Variants in CLYBL observed in about 807,000 individuals in gnomAD.
CLYBL encodes citramalyl-CoA lyase.
A neutral mutation model predicts 38.9 loss-of-function variants in CLYBL; 31 were observed. The observed-to-expected ratio is 0.80, with a 90% confidence interval of 0.60 to 1.08. The LOEUF (loss-of-function observed/expected upper bound fraction) is 1.08. CLYBL is among the 50% of genes least tolerant of loss of function. The pLI, the probability that CLYBL is intolerant of heterozygous loss-of-function variation, is 0.00. For synonymous variants in CLYBL, 171 were observed against 158.6 expected, an observed-to-expected ratio of 1.08 and a Z score of -0.59; for missense variants, 434 against 411.6, an observed-to-expected ratio of 1.05 and a Z score of -0.47.
At chr13:99,656,520 C>G (rs2047333072) in intron 1 of CLYBL, among the ~76,000 whole-genome samples, 1 of 152,160 alleles carries the variant, frequency 6.6e-6, no homozygotes, top group Non-Finnish European at 1.5e-5. Context: ...GGCAGAAATA[C>G]CTTCAAAGCC....
At chr13:99,866,472 A>T in intron 6 of CLYBL, 65 bp downstream of exon 6, 2 of 1,374,192 alleles carry the variant, frequency 1.5e-6, no homozygotes, top group Non-Finnish European at 2.0e-6. Flanking sequence ...TAGAAATTTG[A>T]CCCGAAAACA....
intron 1 of CLYBL, among the ~76,000 whole-genome samples, chr13:99,701,644 C>T (rs2139459941): frequency 6.6e-6 from 1 of 151,944 alleles, no homozygotes; most frequent in South Asian, 2.1e-4. Context: ...TTAACAAAGG[C>T]TTGAGTATCA....
At chr13:99,863,168 A>G (rs2051651639) in intron 4 of CLYBL, 76 bp downstream of exon 4, 1 of 704,822 alleles carries the variant, frequency 1.4e-6, no homozygotes, top group African/African-American at 1.8e-5. Flanking sequence ...TTCAATTTTA[A>G]CATCTTCTTA....
At chr13:99,862,131 T>G (rs2051617888) in intron 3 of CLYBL, among the ~76,000 whole-genome samples, 1 of 152,230 alleles carries the variant, frequency 6.6e-6, no homozygotes, top group Non-Finnish European at 1.5e-5. Flanking sequence ...TCCTTTGATA[T>G]CTATTAATGG....
intron 1 of CLYBL, among the ~76,000 whole-genome samples, chr13:99,655,049 A>G (rs2047310206): frequency 6.6e-6 from 1 of 150,574 alleles, no homozygotes; most frequent in African/African-American, 2.4e-5. Flanking sequence ...CATGGGAGTG[A>G]TGGCCCAGCA....
intron 7 of CLYBL, among the ~76,000 whole-genome samples, chr13:99,872,393 C>T (rs1184193123): frequency 6.6e-6 from 1 of 152,090 alleles, no homozygotes; most frequent in Non-Finnish European, 1.5e-5. Context: ...GTTTAGTGTC[C>T]ATTTTTGTGT....
chr13:99,841,391 A>G (rs2051072565), intron 2 of CLYBL, among the ~76,000 whole-genome samples: 1 of 90,906 alleles, frequency 1.1e-5, no homozygotes, highest in Non-Finnish European at 2.2e-5. Context: ...AAACACATAC[A>G]TACTTTTTTT....
intron 1 of CLYBL, among the ~76,000 whole-genome samples, chr13:99,743,593 T>C (rs1038126526): frequency 1.3e-5 from 2 of 152,198 alleles, no homozygotes; most frequent in Admixed American, 1.3e-4. Flanking sequence ...TGTGATAAAA[T>C]GCACACTCTG....
intron 1 of CLYBL, among the ~76,000 whole-genome samples, chr13:99,693,295 G>T (rs774008792): frequency 3.3e-5 from 5 of 152,184 alleles, no homozygotes; most frequent in Admixed American, 2.0e-4. Flanking sequence ...ACTCACCAAG[G>T]CACAAAGTAG....
At chr13:99,794,058 A>C (rs974596976) in intron 2 of CLYBL, among the ~76,000 whole-genome samples, 4 of 152,194 alleles carry the variant, frequency 2.6e-5, no homozygotes, top group Non-Finnish European at 5.9e-5. Context: ...TCTCCGTTGG[A>C]CCAGGACCAC....
intron 1 of CLYBL, among the ~76,000 whole-genome samples, chr13:99,771,279 T>C (rs2049389812): frequency 6.6e-6 from 1 of 152,238 alleles, no homozygotes; most frequent in Non-Finnish European, 1.5e-5. Context: ...AACTCTGGGC[T>C]CAAGTGATCT....
chr13:99,627,296 G>A (rs1382401899), intron 1 of CLYBL, among the ~76,000 whole-genome samples: 1 of 152,092 alleles, frequency 6.6e-6, no homozygotes, highest in African/African-American at 2.4e-5. Context: ...TGAATGTGAT[G>A]ATGAGTATTG....
At chr13:99,730,506 C>A (rs568906281) in intron 1 of CLYBL, among the ~76,000 whole-genome samples, 10 of 152,294 alleles carry the variant, frequency 6.6e-5, no homozygotes, top group South Asian at 4.1e-4. Context: ...CAGCTTTCCT[C>A]AAGACAGGCC....
At chr13:99,788,146 C>A (rs1388069229) in intron 2 of CLYBL, among the ~76,000 whole-genome samples, 4 of 152,122 alleles carry the variant, frequency 2.6e-5, no homozygotes, top group Non-Finnish European at 5.9e-5. Context: ...CATCTGCAAA[C>A]AGGGACAATT....
chr13:99,716,022 T>A (rs1034978793), intron 1 of CLYBL, among the ~76,000 whole-genome samples: 2 of 152,170 alleles, frequency 1.3e-5, no homozygotes, highest in African/African-American at 4.8e-5. Flanking sequence ...TAAACATTTT[T>A]AAATTATGAA....
chr13:99,698,927 C>T (rs907627146), intron 1 of CLYBL, among the ~76,000 whole-genome samples: 4 of 152,114 alleles, frequency 2.6e-5, no homozygotes, highest in Non-Finnish European at 4.4e-5. Flanking sequence ...TATAGCACAC[C>T]GCCAGAAGGT....
intron 1 of CLYBL, among the ~76,000 whole-genome samples, chr13:99,618,858 GCATC>G (rs914820073): frequency 1.3e-5 from 2 of 152,152 alleles, no homozygotes; most frequent in Admixed American, 1.3e-4. Flanking sequence ...CTTCCAAGGT[GCATC>G]CATGTTACAG....
downstream of CLYBL, chr13:99,897,090 G>A (rs920151959): frequency 2.6e-5 from 4 of 152,220 alleles, no homozygotes; most frequent in African/African-American, 9.6e-5. Context: ...GATAACAAGA[G>A]AGGTGCGAAT....
At chr13:99,618,333 C>T (rs892772749) in intron 1 of CLYBL, among the ~76,000 whole-genome samples, 2 of 151,164 alleles carry the variant, frequency 1.3e-5, no homozygotes, top group Non-Finnish European at 2.9e-5. Flanking sequence ...TGCAGTGGTG[C>T]GATCTCACTC....
Sources: allele counts gnomAD v4.1 joint callset (sites outside exome capture counted in the v4.1 genomes callset), GRCh38; gene constraint gnomAD v4.1.1; transcripts MANE v1.5; gene names NCBI Gene and HGNC (gene_info 2026-07-23, HGNC 2026-07-21).